TTBK2: variants seen among roughly 807,000 people sequenced by gnomAD.
TTBK2 encodes tau tubulin kinase 2, also known as tau-tubulin kinase 2.
TTBK2 carries 28 observed loss-of-function variants against 110.8 expected under a neutral mutation model. The ratio of observed to expected loss-of-function variants is 0.25; its 90% CI spans 0.19 to 0.35. The LOEUF is 0.35. TTBK2 is among the 10% of genes least tolerant of loss of function. The pLI is 1.00. For synonymous variants in TTBK2, 532 were observed against 527.3 expected (o/e 1.01, Z -0.12); for missense variants, 1,369 against 1,500.3 (o/e 0.91, Z 1.45).
At chr15:42,868,975 T>C (rs1470981168) in intron 3 of TTBK2, among the ~76,000 whole-genome samples, 1 of 152,146 alleles carries the variant, frequency 6.6e-6, no homozygotes, top group Non-Finnish European at 1.5e-5. Flanking sequence ...AATCTAACTT[T>C]TTCAGAAGTA....
At position 42,834,130 on chromosome 15, in the gene TTBK2, G is replaced by A. The variant is rs144125358; in HGVS notation, c.292-4052C>T. Among the ~76,000 whole-genome samples the A allele has an allele frequency of 6.1e-5, 9 of 146,448 alleles. No homozygotes were observed. In the East Asian group the frequency reaches 6.4e-4, roughly 10 times the overall value. ...TCACTTGACCCCAGGAGGTAGAGGC[G>A]GAAGCGAGCTGTGATCACTCCACTG... On this transcript the variant is annotated intron_variant, in intron 4 of 14. Transcript: ENST00000267890.
rs2061755061 is a variant in TTBK2 at position 42,742,080 on chromosome 15, G to A, written c.*3715C>T. 1 of 152,198 alleles carries A rather than the reference G, an allele frequency of 6.6e-6. No homozygotes were observed. Among genetic ancestry groups the A allele is most frequent in the South Asian group, 2.1e-4 (1 of 4,836 alleles). The allele number at this position is 152,198 out of a possible 1,614,324, so 9.4% of individuals were successfully genotyped here. A position where few individuals can be genotyped will look rare whatever the true frequency, so the allele number is the denominator to read the frequency against. On this transcript the variant is annotated 3_prime_UTR_variant, in exon 15 of 15. Transcript: ENST00000267890. ...CTCTGAAGATACTGAAGAACCTCAA[G>A]TTCCCTACATTGCTAGGAGCCAAGG...
At chr15:42,853,449 A>G (rs1291002374) in intron 3 of TTBK2, among the ~76,000 whole-genome samples, 1 of 152,150 alleles carries the variant, frequency 6.6e-6, no homozygotes, top group South Asian at 2.1e-4. Flanking sequence ...TATTAGTTGG[A>G]CCTCCACTCA....
chr15:42,806,757 T>C (rs898743963), intron 9 of TTBK2, among the ~76,000 whole-genome samples: 7 of 152,332 alleles, frequency 4.6e-5, no homozygotes, highest in Admixed American at 4.6e-4. Context: ...CAGGATGGCT[T>C]TGAATGTGAC....
intron 3 of TTBK2, among the ~76,000 whole-genome samples, chr15:42,862,925 A>G (rs921194171): frequency 6.6e-6 from 1 of 152,118 alleles, no homozygotes; most frequent in African/African-American, 2.4e-5. Context: ...TAATAAAAAT[A>G]ATAGCCATCT....
At chr15:42,859,945 C>G (rs150057541) in intron 3 of TTBK2, among the ~76,000 whole-genome samples, 1,590 of 151,726 alleles carry the variant, frequency 0.01, 25 homozygotes, top group African/African-American at 0.037. Flanking sequence ...TGATGAATGC[C>G]TTTTATAGGC....
chr15:42,864,355 C>T (rs1202218695), intron 3 of TTBK2, among the ~76,000 whole-genome samples: 1 of 152,110 alleles, frequency 6.6e-6, no homozygotes, highest in Non-Finnish European at 1.5e-5. Context: ...GAGGCCAAAG[C>T]AGGCAGATCA....
intron 3 of TTBK2, among the ~76,000 whole-genome samples, chr15:42,859,759 G>T (rs192980869): frequency 6.6e-6 from 1 of 152,116 alleles, no homozygotes; most frequent in Non-Finnish European, 1.5e-5. Context: ...ACCAAACATG[G>T]CAGGGATGTT....
chr15:42,845,378 G>A (rs80323862), intron 3 of TTBK2, among the ~76,000 whole-genome samples: 7,695 of 151,924 alleles, frequency 0.051, 525 homozygotes, highest in African/African-American at 0.15. Context: ...TAAAAAATGG[G>A]GTACCTGCCA....
chr15:42,909,244 C>G lies in TTBK2; in HGVS notation c.-68+11194G>C, dbSNP rs535254461. Among the ~76,000 whole-genome samples the G allele has an allele frequency of 4.6e-5, 7 of 152,322 alleles. No homozygotes were observed. In the East Asian group the frequency reaches 1.3e-3, roughly 29 times the overall value. The stretch of plus-strand genomic sequence containing the variant: ...ACAGTCTCAAAGTCCTGCGCCTAAG[C>G]GATCCTCCTGCCTCGCCTTCCAAAT... On this transcript the variant is annotated intron_variant, in intron 1 of 14. Transcript: ENST00000267890.
At chr15:42,836,427 C>T (rs10518779) in intron 4 of TTBK2, among the ~76,000 whole-genome samples, 28,350 of 152,038 alleles carry the variant, frequency 0.19, 2,845 homozygotes, top group South Asian at 0.3. Context: ...AGAAAATATG[C>T]TCTAGCGGTT....
rs1818129940 is a variant in TTBK2 at position 42,745,874 on chromosome 15, G to A, written c.3656C>T (p.Ser1219Phe). Residue 1219 changes from serine to phenylalanine, a missense_variant, in exon 15 of 15, where the codon TCC (serine) becomes TTC (phenylalanine). Around this residue, in one of 4 missense-constraint regions of TTBK2, gnomAD observed 1,097 missense variants for 1,114.7 expected, o/e 0.98. Transcript: ENST00000267890. ...GGCTGAGTGGTGGTGGAGGCTGCCGGATCCTTTCAGGCCATTCTTGCTGGG... is the reference window on the plus strand; with the variant it reads ...GGCTGAGTGGTGGTGGAGGCTGCCGAATCCTTTCAGGCCATTCTTGCTGGG... ...CKPSKNGLKGSGSLHHHSAST... is the reference protein window; with the variant it reads ...CKPSKNGLKGFGSLHHHSAST... 3.1e-6 allele frequency: 5 copies of A among 1,614,130 alleles called. No individual in the cohort carries two copies. The highest frequency in any genetic ancestry group is 3.4e-6 in the Non-Finnish European group (4 of 1,180,032).
chr15:42,872,693 T>G lies in TTBK2; in HGVS notation c.135A>C (p.Glu45Asp). ...CTGATTCCACCTTCAGTGCAACATTTTCCCTGGTGAGCATGTCCAAGGCAT... is the reference window on the plus strand; with the variant it reads ...CTGATTCCACCTTCAGTGCAACATTGTCCCTGGTGAGCATGTCCAAGGCAT... ...IYDALDMLTR[E>D]NVALKVESAQ... Residue 45 changes from glutamate (E) to aspartate (D), a missense_variant, in exon 3 of 15, where the codon GAA becomes GAC. This residue lies in a region of TTBK2 where 122 missense variants were observed against 159.7 expected (regional missense o/e 0.76). Transcript: ENST00000267890. 6.2e-7 allele frequency: 1 copy of G among 1,614,160 alleles called. No homozygotes were observed. The highest frequency in any genetic ancestry group is 1.7e-5 in the Admixed American group (1 of 60,016).
At chr15:42,802,255 C>A in intron 9 of TTBK2, 1 of 812,452 alleles carries the variant, frequency 1.2e-6, no homozygotes, top group South Asian at 1.3e-5. Flanking sequence ...ATATCCTGCA[C>A]CCAGGCCACC....
chr15:42,784,303 G>A lies in TTBK2; in HGVS notation c.981-668C>T, dbSNP rs555149197. ...ATTTTTTTTCTTTTTTTGAGACAGA[G>A]TTTCACTCTTGTCGCCCAGGCTGGA... is the stretch of plus-strand genomic sequence containing the variant. On this transcript the variant is annotated intron_variant, in intron 10 of 14. Coordinates refer to ENST00000267890, the MANE Select transcript of TTBK2 (RefSeq NM_173500.4). Among the ~76,000 whole-genome samples, 68 of 151,980 alleles carry A rather than the reference G, an allele frequency of 4.5e-4. No individual in the cohort carries two copies. The South Asian group carries it at 0.014, about 31-fold the overall frequency.
chr15:42,834,636 G>A (rs1407335658), intron 4 of TTBK2, among the ~76,000 whole-genome samples: 2 of 152,094 alleles, frequency 1.3e-5, no homozygotes, highest in Admixed American at 1.3e-4. Context: ...TAAAAAAACC[G>A]TAGGCCAGGT....
chr15:42,763,194 T>TATA (rs1567009148), intron 13 of TTBK2, among the ~76,000 whole-genome samples: 7 of 4,076 alleles, frequency 1.7e-3, no homozygotes, highest in Admixed American at 4.3e-3. Flanking sequence ...ATATATATAT[T>TATA]TTTTTTTTTT....
intron 13 of TTBK2, among the ~76,000 whole-genome samples, chr15:42,768,559 G>GT (rs1466375148): frequency 1.3e-5 from 2 of 152,168 alleles, no homozygotes; most frequent in Non-Finnish European, 2.9e-5. Flanking sequence ...CAAGGGATAT[G>GT]AAGGACCTCT....
At chr15:42,911,343 T>A (rs1298006769) in intron 1 of TTBK2, among the ~76,000 whole-genome samples, 4 of 152,174 alleles carry the variant, frequency 2.6e-5, no homozygotes, top group African/African-American at 7.2e-5. Context: ...GGCACATGCC[T>A]AGAATCCCAG....
Sources: gnomAD v4.1 joint callset for allele counts (sites outside exome capture counted in the v4.1 genomes callset) on GRCh38, gnomAD v4.1.1 for gene constraint, gnomAD v4.1.1 regional missense constraint, MANE v1.5 for transcripts, NCBI Gene and HGNC (gene_info 2026-07-23, HGNC 2026-07-21) for gene names.